PLEKHG1: variants seen among roughly 807,000 people sequenced by gnomAD.
PLEKHG1 encodes the protein pleckstrin homology domain-containing family G member 1.
In PLEKHG1, 44 loss-of-function variants were observed where a neutral mutation model predicts 100.8. The ratio of observed to expected loss-of-function variants is 0.44; its 90% CI spans 0.34 to 0.56. The LOEUF is 0.56. Ranked by LOEUF, PLEKHG1 falls within the 20% of genes least tolerant of loss-of-function variation. The probability of loss-of-function intolerance (pLI) is 0.01; values close to 1 mark genes in which losing one functional copy is unlikely to be tolerated. For synonymous variants in PLEKHG1, 640 were observed against 662.5 expected (o/e 0.97, Z 0.52); for missense variants, 1,545 against 1,720.9 (o/e 0.90, Z 1.81).
At chr6:150,697,324 T>C (rs1173172439) in intron 3 of PLEKHG1, among the ~76,000 whole-genome samples, 3 of 152,162 alleles carry the variant, frequency 2.0e-5, no homozygotes, top group African/African-American at 4.8e-5. Context: ...TTGTAGGCAA[T>C]GGAGAGAGCA....
At chr6:150,691,376 T>C (rs373066340) in intron 3 of PLEKHG1, among the ~76,000 whole-genome samples, 34 of 152,342 alleles carry the variant, frequency 2.2e-4, no homozygotes, top group African/African-American at 7.7e-4. Context: ...CAGTTATACT[T>C]CAGGGATGAG....
intron 2 of PLEKHG1, among the ~76,000 whole-genome samples, chr6:150,646,248 T>C (rs1001880327): frequency 1.3e-5 from 2 of 152,070 alleles, no homozygotes; most frequent in Non-Finnish European, 2.9e-5. Context: ...AGCTCTCCCC[T>C]CTCTTGTTCT....
intron 10 of PLEKHG1, among the ~76,000 whole-genome samples, chr6:150,810,232 G>A (rs112970633): frequency 0.26 from 39,480 of 150,472 alleles, 5,385 homozygotes; most frequent in Middle Eastern, 0.37. Context: ...TCCGGGAGGC[G>A]GAGGTTGCAG....
intron 2 of PLEKHG1, among the ~76,000 whole-genome samples, chr6:150,736,464 C>G (rs1782567186): frequency 6.6e-6 from 1 of 152,184 alleles, no homozygotes; most frequent in Non-Finnish European, 1.5e-5. Flanking sequence ...TACCTGAAGT[C>G]TTTCACAAAA....
chr6:150,784,813 A>G (rs1785518227), intron 3 of PLEKHG1, among the ~76,000 whole-genome samples: 1 of 152,238 alleles, frequency 6.6e-6, no homozygotes, highest in Admixed American at 6.5e-5. Flanking sequence ...ATGATTCTCT[A>G]AGAAAGGAAA....
At chr6:150,793,377 G>C (rs79343130) in intron 4 of PLEKHG1, among the ~76,000 whole-genome samples, 4,920 of 152,294 alleles carry the variant, frequency 0.032, 153 homozygotes, top group Admixed American at 0.095. Context: ...TCCAGAATGG[G>C]TGACAGAGCA....
At chr6:150,608,311 C>A (rs1157990842) in intron 1 of PLEKHG1, among the ~76,000 whole-genome samples, 3 of 152,176 alleles carry the variant, frequency 2.0e-5, no homozygotes, top group Non-Finnish European at 4.4e-5. Flanking sequence ...ACAGCAATGA[C>A]TTTTGAAATC....
chr6:150,680,328 T>C (rs1031093822), intron 3 of PLEKHG1, among the ~76,000 whole-genome samples: 2 of 152,194 alleles, frequency 1.3e-5, no homozygotes, highest in African/African-American at 4.8e-5. Flanking sequence ...GTGGAAAGGA[T>C]GGCTCTGAAA....
chr6:150,640,635 C>G (rs1778214656), intron 2 of PLEKHG1, among the ~76,000 whole-genome samples: 1 of 152,050 alleles, frequency 6.6e-6, no homozygotes, highest in South Asian at 2.1e-4. Flanking sequence ...TTTCTACTTC[C>G]CTCCTCTCAG....
chr6:150,601,991 A>G (rs1776375869), intron 1 of PLEKHG1, among the ~76,000 whole-genome samples: 1 of 152,200 alleles, frequency 6.6e-6, no homozygotes, highest in South Asian at 2.1e-4. Context: ...TTAAATGATC[A>G]TTTTTAAAAC....
At chr6:150,634,800 T>C (rs1235839725) in intron 1 of PLEKHG1, among the ~76,000 whole-genome samples, 2 of 152,240 alleles carry the variant, frequency 1.3e-5, no homozygotes, top group Non-Finnish European at 2.9e-5. Flanking sequence ...AGATACGTCA[T>C]CATTTTCATG....
At chr6:150,640,993 A>T (rs1322889337) in intron 2 of PLEKHG1, among the ~76,000 whole-genome samples, 1 of 152,152 alleles carries the variant, frequency 6.6e-6, no homozygotes, top group Non-Finnish European at 1.5e-5. Context: ...TGTCAGTTTC[A>T]TAGTGAAAAA....
At chr6:150,688,632 C>A (rs1780232260) in intron 3 of PLEKHG1, among the ~76,000 whole-genome samples, 1 of 152,164 alleles carries the variant, frequency 6.6e-6, no homozygotes, top group Admixed American at 6.5e-5. Context: ...CAAGCCCAAC[C>A]ATTTAATCTA....
At chr6:150,830,726 A>G (rs758013159) in exon 15 of PLEKHG1, 1 of 1,614,230 alleles carries the variant, frequency 6.2e-7, no homozygotes, top group Non-Finnish European at 8.5e-7. Flanking sequence ...TCACCAGATC[A>G]GGCAAGCCTT....
intron 1 of PLEKHG1, among the ~76,000 whole-genome samples, chr6:150,723,440 T>C (rs1311812658): frequency 1.3e-5 from 2 of 152,218 alleles, no homozygotes; most frequent in East Asian, 1.9e-4. Context: ...AAGCAGCTTA[T>C]GTTGAGTCCT....
intron 3 of PLEKHG1, among the ~76,000 whole-genome samples, chr6:150,703,520 G>T (rs1487455853): frequency 6.6e-6 from 1 of 151,034 alleles, no homozygotes; most frequent in Non-Finnish European, 1.5e-5. Context: ...AGAATCGCTT[G>T]AATCCAGGAA....
At chr6:150,766,684 G>A (rs986342218) in intron 2 of PLEKHG1, among the ~76,000 whole-genome samples, 1 of 152,194 alleles carries the variant, frequency 6.6e-6, no homozygotes, top group Non-Finnish European at 1.5e-5. Flanking sequence ...CTTTGAGCTG[G>A]CGATGGGCCA....
At chr6:150,661,156 C>T (rs1779174363) in intron 3 of PLEKHG1, among the ~76,000 whole-genome samples, 1 of 152,180 alleles carries the variant, frequency 6.6e-6, no homozygotes. Flanking sequence ...TCTCACTCGC[C>T]TTGTCTACAT....
upstream of PLEKHG1, among the ~76,000 whole-genome samples, chr6:150,717,396 G>A (rs558172236): frequency 7.9e-5 from 12 of 151,498 alleles, no homozygotes; most frequent in Non-Finnish European, 5.9e-5. Context: ...CTCTGGTCTC[G>A]AACTTCTGGC....
Sources: gnomAD v4.1 joint callset for allele counts (sites outside exome capture counted in the v4.1 genomes callset) on GRCh38, gnomAD v4.1.1 for gene constraint, MANE v1.5 for transcripts, NCBI Gene and HGNC (gene_info 2026-07-23, HGNC 2026-07-21) for gene names.